STAU1: variants seen among roughly 807,000 people sequenced by gnomAD.
STAU1 encodes staufen double-stranded RNA binding protein 1, also known as double-stranded RNA-binding protein Staufen homolog 1.
Under a neutral mutation model 62.9 loss-of-function variants are expected in STAU1, and 13 were observed. The observed-to-expected ratio is 0.21, with a 90% CI of 0.13 to 0.33. The LOEUF is 0.33. STAU1 is among the 10% of genes least tolerant of loss of function. The pLI, the probability that STAU1 is intolerant of heterozygous loss-of-function variation, is 1.00. For synonymous variants in STAU1, 269 were observed against 265.1 expected, an observed-to-expected ratio of 1.01 and a Z score of -0.14; for missense variants, 571 against 712.1, an observed-to-expected ratio of 0.80 and a Z score of 2.25.
the STAU1 span, among the ~76,000 whole-genome samples, chr20:49,208,775 A>G: frequency 1.3e-5 from 2 of 150,918 alleles, no homozygotes; most frequent in Non-Finnish European, 3.0e-5. Context: ...GCCTGTCACC[A>G]TGCTCGGCTA....
At chr20:49,206,079 G>A in the STAU1 span, among the ~76,000 whole-genome samples, 1 of 150,802 alleles carries the variant, frequency 6.6e-6, no homozygotes, top group Non-Finnish European at 1.5e-5. Context: ...CGCCTCCTGG[G>A]TTCAAGCGAT....
intron 9 of STAU1, 88 bp downstream of exon 9, chr20:49,119,894 T>C (rs1485845768): frequency 6.8e-7 from 1 of 1,477,750 alleles, no homozygotes; most frequent in Non-Finnish European, 9.1e-7. Flanking sequence ...AGATAAAGCC[T>C]TGCCTTGAAG....
intron 1 of STAU1, among the ~76,000 whole-genome samples, chr20:49,180,966 A>T (rs540065856): frequency 6.6e-6 from 1 of 152,248 alleles, no homozygotes; most frequent in Non-Finnish European, 1.5e-5. Context: ...GAGACAAAGC[A>T]TGGTTCAGTG....
In STAU1 at chr20:49,123,206, C is replaced by A; in HGVS notation, c.852G>T (p.Gly284=). The change falls in exon 8 of 14, where the codon GGG becomes GGT. Residue 284 remains glycine, a synonymous_variant. Coordinates refer to ENST00000371856, the MANE Select transcript of STAU1 (RefSeq NM_017453.4). ...KPQTSPEYGQ[G]INPISRLAQI... Reference sequence around the variant, plus strand: ...GGGCCAGTCGGCTAATCGGATTGATCCCCTGGCCATATTCTGGGCTTGTCT... The same window carrying A: ...GGGCCAGTCGGCTAATCGGATTGATACCCTGGCCATATTCTGGGCTTGTCT... The A allele has an allele frequency of 6.2e-7, 1 of 1,614,152 alleles. No homozygotes were observed. The highest frequency in any genetic ancestry group is 8.5e-7 in the Non-Finnish European group (1 of 1,180,010).
At chr20:49,162,570 C>G (rs1050849574) in intron 3 of STAU1, among the ~76,000 whole-genome samples, 4 of 150,512 alleles carry the variant, frequency 2.7e-5, no homozygotes, top group Non-Finnish European at 4.4e-5. Context: ...GTCAGAAGAT[C>G]AAAACCATCC....
intron 1 of STAU1, among the ~76,000 whole-genome samples, chr20:49,186,660 G>A (rs996949529): frequency 5.9e-5 from 9 of 151,978 alleles, no homozygotes; most frequent in Admixed American, 3.3e-4. Flanking sequence ...TAGTAAAGTT[G>A]CTGTTCTAAA....
intron 5 of STAU1, among the ~76,000 whole-genome samples, chr20:49,150,431 G>C (rs1039083795): frequency 2.0e-5 from 3 of 151,322 alleles, no homozygotes; most frequent in Non-Finnish European, 4.4e-5. Flanking sequence ...GCACAATCTC[G>C]GCTCACCGCA....
chr20:49,171,414 C>CCT (rs1195838134), intron 2 of STAU1, among the ~76,000 whole-genome samples: 1 of 152,176 alleles, frequency 6.6e-6, no homozygotes, highest in Non-Finnish European at 1.5e-5. Flanking sequence ...CCTGCCTCAG[C>CCT]CTCTCCAAGT....
chr20:49,175,898 C>G (rs1490302339), intron 1 of STAU1, among the ~76,000 whole-genome samples: 2 of 149,376 alleles, frequency 1.3e-5, no homozygotes, highest in African/African-American at 2.5e-5. Context: ...GGGTTCACGC[C>G]ATTCTCCTGC....
At chr20:49,172,236 A>T (rs1568925362) in intron 2 of STAU1, among the ~76,000 whole-genome samples, 1 of 152,146 alleles carries the variant, frequency 6.6e-6, no homozygotes, top group Non-Finnish European at 1.5e-5. Context: ...ATCCTAGAAA[A>T]CCCATCACAC....
At position 49,120,059 on chromosome 20, in the gene STAU1, C is replaced by T. The variant is rs1237566752; in HGVS notation, c.1036G>A (p.Glu346Lys). The T allele has an allele frequency of 2.5e-6, 4 of 1,614,206 alleles. No homozygotes were observed. The highest frequency in any genetic ancestry group is 1.1e-5 in the South Asian group (1 of 91,074). The part of the protein sequence containing the change: ...NKKVAKRNAA[E>K]NMLEILGFKV... ...AAACCAAGGATCTCCAGCATGTTCTCGGCTGCATTGCGCTTGGCCACCTTC... is the reference window on the plus strand; with the variant it reads ...AAACCAAGGATCTCCAGCATGTTCTTGGCTGCATTGCGCTTGGCCACCTTC... Residue 346 changes from glutamate to lysine, a missense_variant, in exon 9 of 14, where the codon GAG becomes AAG. This residue lies in a region of STAU1 where 414 missense variants were observed against 499.6 expected (regional missense o/e 0.83). Coordinates refer to ENST00000371856, the MANE Select transcript of STAU1 (RefSeq NM_017453.4).
intron 1 of STAU1, among the ~76,000 whole-genome samples, chr20:49,186,117 G>A (rs1211195317): frequency 6.6e-6 from 1 of 152,128 alleles, no homozygotes; most frequent in Non-Finnish European, 1.5e-5. Context: ...GGAGGCCTAG[G>A]AGGGTGGATC....
chr20:49,149,083 T>C (rs1279349910), intron 5 of STAU1, among the ~76,000 whole-genome samples: 1 of 152,080 alleles, frequency 6.6e-6, no homozygotes, highest in Non-Finnish European at 1.5e-5. Context: ...AAACCCCATC[T>C]CTACTAAAAA....
intron 6 of STAU1, among the ~76,000 whole-genome samples, chr20:49,129,816 C>T (rs1035305273): frequency 1.3e-5 from 2 of 151,024 alleles, no homozygotes; most frequent in South Asian, 2.1e-4. Flanking sequence ...TTAGTAGAGA[C>T]GAGGTTTCAC....
chr20:49,160,147 G>A (rs1441807984), intron 3 of STAU1, among the ~76,000 whole-genome samples: 2 of 152,054 alleles, frequency 1.3e-5, no homozygotes, highest in East Asian at 1.9e-4. Flanking sequence ...AGGAAACAAC[G>A]ACAACAAAAA....
chr20:49,193,678 A>G, the STAU1 span, among the ~76,000 whole-genome samples: 5 of 71,314 alleles, frequency 7.0e-5, no homozygotes, highest in African/African-American at 3.2e-4. Context: ...ATCCGTCTCA[A>G]AAAAACGGGC....
chr20:49,201,313 T>C, the STAU1 span, among the ~76,000 whole-genome samples: 24 of 152,196 alleles, frequency 1.6e-4, no homozygotes, highest in East Asian at 4.0e-3. Flanking sequence ...ACTAATGTCA[T>C]TGATGAGGAA....
intron 6 of STAU1, chr20:49,135,112 G>C: frequency 1.2e-6 from 1 of 844,294 alleles, no homozygotes. Flanking sequence ...GTTTTATATA[G>C]AAGAGAGAAG....
chr20:49,218,760 G>A, the STAU1 span, among the ~76,000 whole-genome samples: 1 of 151,434 alleles, frequency 6.6e-6, no homozygotes, highest in South Asian at 2.1e-4. Context: ...AAAGTTTCGG[G>A]GCTGTGCGCA....
Sources: allele counts gnomAD v4.1 joint callset (sites outside exome capture counted in the v4.1 genomes callset), GRCh38; gene constraint gnomAD v4.1.1; regional missense constraint gnomAD v4.1.1; transcripts MANE v1.5; gene names NCBI Gene and HGNC (gene_info 2026-07-23, HGNC 2026-07-21).